Variants in LZTS1 observed in about 807,000 individuals in gnomAD.
LZTS1 encodes the protein leucine zipper tumor suppressor 1.
In LZTS1, 31 loss-of-function variants were observed where a neutral mutation model predicts 45.8. The ratio of observed to expected loss-of-function variants is 0.68; its 90% CI spans 0.51 to 0.91. LZTS1 has a LOEUF of 0.91. Among genes scored for constraint, LZTS1 ranks in the 40% least tolerant of loss-of-function variants. LZTS1 has a pLI of 0.00. For synonymous variants in LZTS1, 359 were observed against 357.3 expected, an observed-to-expected ratio of 1.00 and a Z score of -0.05; for missense variants, 821 against 788.9, an observed-to-expected ratio of 1.04 and a Z score of -0.49.
intron 1 of LZTS1, among the ~76,000 whole-genome samples, chr8:20,302,888 A>T (rs1313243522): frequency 6.6e-6 from 1 of 151,946 alleles, no homozygotes; most frequent in East Asian, 1.9e-4. Context: ...CCACAGTTCA[A>T]ACCTTTCCAC....
intron 1 of LZTS1, among the ~76,000 whole-genome samples, chr8:20,269,913 A>G (rs894731509): frequency 6.6e-6 from 1 of 152,180 alleles, no homozygotes; most frequent in African/African-American, 2.4e-5. Context: ...TCTCCATTTC[A>G]TGCCAGGAGA....
At chr8:20,262,551 G>A (rs1452579158) in intron 1 of LZTS1, among the ~76,000 whole-genome samples, 1 of 152,182 alleles carries the variant, frequency 6.6e-6, no homozygotes, top group Non-Finnish European at 1.5e-5. Context: ...TTCGAGAAGA[G>A]CCAGCCTGAT....
At position 20,273,514 on chromosome 8, in the gene LZTS1, C is replaced by T. The variant is rs190363641; in HGVS notation, c.-134-18199G>A. On this transcript the variant is annotated intron_variant, in intron 1 of 3. Transcript: ENST00000381569. ...TCTCTTGCTTGCCAGGATCCATCTG[C>T]CTTCAGCGTGCCCCTCCTTCTGGAA... Among the ~76,000 whole-genome samples the T allele has an allele frequency of 4.4e-4, 67 of 152,290 alleles. 1 individual carries two copies. In the South Asian group the frequency reaches 7.5e-3, roughly 17 times the overall value.
At position 20,283,645 on chromosome 8, in the gene LZTS1, C is replaced by A. The variant is rs535556349; in HGVS notation, c.-135+20095G>T. On this transcript the variant is annotated intron_variant, in intron 1 of 3. Coordinates refer to ENST00000381569, the MANE Select transcript of LZTS1 (RefSeq NM_021020.5). ...AGTTCTTCCTCCACACCTGGTTGTT[C>A]TGGGGAGACAGATGGTCCATTCTAG... 3.3e-5 allele frequency among the ~76,000 whole-genome samples: 5 copies of A among 152,238 alleles called. No homozygotes were observed. The South Asian group carries it at 1.0e-3, about 32-fold the overall frequency.
At chr8:20,301,670 T>C (rs1018346062) in intron 1 of LZTS1, among the ~76,000 whole-genome samples, 1 of 152,168 alleles carries the variant, frequency 6.6e-6, no homozygotes, top group Non-Finnish European at 1.5e-5. Context: ...CTATACACGC[T>C]GACCCACGGC....
intron 1 of LZTS1, among the ~76,000 whole-genome samples, chr8:20,295,772 C>G (rs1236626140): frequency 6.6e-6 from 1 of 152,118 alleles, no homozygotes; most frequent in Non-Finnish European, 1.5e-5. Context: ...TTTCCTGCCT[C>G]CAGACCAGGG....
chr8:20,274,689 T>G (rs2128896418), intron 1 of LZTS1, among the ~76,000 whole-genome samples: 1 of 152,304 alleles, frequency 6.6e-6, no homozygotes, highest in East Asian at 1.9e-4. Context: ...AAGCTCCACT[T>G]TGTGAAAATA....
chr8:20,298,033 C>T (rs77388031), intron 1 of LZTS1, among the ~76,000 whole-genome samples: 11,269 of 152,066 alleles, frequency 0.074, 511 homozygotes, highest in East Asian at 0.11. Context: ...AAAAATCTTG[C>T]ATAAACTCTT....
chr8:20,295,247 T>C (rs539745978), intron 1 of LZTS1, among the ~76,000 whole-genome samples: 29 of 152,348 alleles, frequency 1.9e-4, no homozygotes, highest in African/African-American at 7.0e-4. Context: ...GGAGAGCCCA[T>C]GTGCCAGGTG....
chr8:20,292,217 C>T (rs183730426), intron 1 of LZTS1, among the ~76,000 whole-genome samples: 1 of 152,200 alleles, frequency 6.6e-6, no homozygotes. Context: ...GCAAAGGAAC[C>T]CCTGGCACCC....
intron 1 of LZTS1, among the ~76,000 whole-genome samples, chr8:20,274,063 T>C (rs1044368081): frequency 2.0e-5 from 3 of 152,162 alleles, no homozygotes; most frequent in African/African-American, 7.2e-5. Flanking sequence ...AAGGCACTCT[T>C]CTGCTATGAA....
chr8:20,283,338 C>A (rs145030710), intron 1 of LZTS1, among the ~76,000 whole-genome samples: 2 of 152,144 alleles, frequency 1.3e-5, no homozygotes, highest in Non-Finnish European at 2.9e-5. Context: ...AGAGAACTAC[C>A]TTGTCCCTTC....
Position 20,250,103 on chromosome 8 carries a change from C to T in LZTS1, c.1410G>A (p.Leu470=). The change falls in exon 4 of 4, where the codon CTG becomes CTA. Residue 470 remains leucine, a synonymous_variant. Coordinates refer to ENST00000381569, the MANE Select transcript of LZTS1 (RefSeq NM_021020.5). ...EAELLREKVN[L]LEQELQELRA... is the part of the protein sequence containing the mutation. ...GCAGCTCCTGCAGCTCCTGCTCCAGCAGGTTCACCTTCTCCCGCAGCAGCT... is the reference window on the plus strand; with the variant it reads ...GCAGCTCCTGCAGCTCCTGCTCCAGTAGGTTCACCTTCTCCCGCAGCAGCT... The T allele has an allele frequency of 6.2e-7, 1 of 1,607,342 alleles. No homozygotes were observed. Among genetic ancestry groups the T allele is most frequent in the Non-Finnish European group, 8.5e-7 (1 of 1,179,356 alleles).
intron 1 of LZTS1, among the ~76,000 whole-genome samples, chr8:20,299,851 C>T (rs1187682826): frequency 6.6e-6 from 1 of 152,234 alleles, no homozygotes; most frequent in Non-Finnish European, 1.5e-5. Context: ...ATCTATTCAA[C>T]AGCAAACTCA....
intron 1 of LZTS1, among the ~76,000 whole-genome samples, chr8:20,258,392 T>C (rs1392341103): frequency 3.3e-5 from 5 of 152,126 alleles, no homozygotes; most frequent in African/African-American, 1.2e-4. Context: ...TTATTATATA[T>C]ATATTTTTTA....
At chr8:20,283,413 C>G (rs761731353) in intron 1 of LZTS1, among the ~76,000 whole-genome samples, 8 of 152,170 alleles carry the variant, frequency 5.3e-5, no homozygotes, top group Non-Finnish European at 8.8e-5. Flanking sequence ...TCCCCAGACA[C>G]TGAATCTGCT....
intron 1 of LZTS1, among the ~76,000 whole-genome samples, chr8:20,266,577 C>A (rs1435597456): frequency 1.3e-5 from 2 of 151,110 alleles, no homozygotes; most frequent in African/African-American, 4.8e-5. Flanking sequence ...AACAACCAAT[C>A]CTGTTCGGCG....
At chr8:20,253,660 T>TCAAGAGA in intron 2 of LZTS1, 75 bp from the exon 3 acceptor site, 1 of 1,228,742 alleles carries the variant, frequency 8.1e-7, no homozygotes, top group Non-Finnish European at 1.1e-6. Flanking sequence ...CAGGCACGCG[T>TCAAGAGA]GCCGACCTTG....
At chr8:20,266,769 AT>A (rs1800366098) in intron 1 of LZTS1, among the ~76,000 whole-genome samples, 1 of 152,202 alleles carries the variant, frequency 6.6e-6, no homozygotes, top group South Asian at 2.1e-4. Context: ...TGCCCCTAGC[AT>A]GTGAGCGGTT....
Sources: allele counts gnomAD v4.1 joint callset (sites outside exome capture counted in the v4.1 genomes callset), GRCh38; gene constraint gnomAD v4.1.1; transcripts MANE v1.5; gene names NCBI Gene and HGNC (gene_info 2026-07-23, HGNC 2026-07-21).